ADAM9: variants seen among roughly 807,000 people sequenced by gnomAD.
ADAM9 encodes the protein ADAM metallopeptidase domain 9, also known as disintegrin and metalloproteinase domain-containing protein 9.
ADAM9 carries 54 observed loss-of-function variants against 108.1 expected under a neutral mutation model. That is an observed-to-expected ratio of 0.50 (90% confidence interval 0.40 to 0.63). ADAM9 has a LOEUF of 0.63. ADAM9 is among the 20% of genes least tolerant of loss of function. The pLI is 0.00. For synonymous variants in ADAM9, 316 were observed against 336.0 expected (o/e 0.94, Z 0.65); for missense variants, 830 against 997.7 (o/e 0.83, Z 2.26).
intron 11 of ADAM9, among the ~76,000 whole-genome samples, chr8:39,029,986 A>G (rs189941865): frequency 3.4e-4 from 51 of 152,236 alleles, no homozygotes; most frequent in Admixed American, 1.5e-3. Flanking sequence ...ATCAAGAGGA[A>G]AGTAGAAAGA....
At position 39,082,623 on chromosome 8, in the gene ADAM9, C is replaced by T. The variant is rs756491235; in HGVS notation, c.1882-18C>T. 108 of 1,484,106 alleles carry T rather than the reference C, an allele frequency of 7.3e-5. No homozygotes were observed. Among genetic ancestry groups the T allele is most frequent in the Non-Finnish European group, 8.7e-5 (93 of 1,068,520 alleles). 91.9% of individuals were successfully genotyped at this position (1,484,106 alleles called of 1,614,324 possible). On this transcript the variant is annotated intron_variant, in intron 16 of 21. Transcript: ENST00000487273. ...GTGCTCAATCTTTCTTTACTTAGTT[C>T]ATTTTTTTTTTTTTCAGATCTGTAG... is the stretch of plus-strand genomic sequence containing the variant.
chr8:39,037,720 A>G (rs1489635624), intron 11 of ADAM9, among the ~76,000 whole-genome samples: 1 of 152,138 alleles, frequency 6.6e-6, no homozygotes, highest in Non-Finnish European at 1.5e-5. Flanking sequence ...TACAGAAAAC[A>G]TTATTGCATG....
At chr8:39,053,493 G>C (rs1467928727) in intron 12 of ADAM9, among the ~76,000 whole-genome samples, 1 of 152,092 alleles carries the variant, frequency 6.6e-6, no homozygotes, top group Non-Finnish European at 1.5e-5. Context: ...TATATTTCAA[G>C]ATGTACATTA....
chr8:39,036,135 G>T (rs1207281585), intron 11 of ADAM9, among the ~76,000 whole-genome samples: 1 of 151,538 alleles, frequency 6.6e-6, no homozygotes, highest in South Asian at 2.1e-4. Flanking sequence ...ATCTACCCTC[G>T]TAATAAGATT....
At chr8:39,017,464 A>G in intron 6 of ADAM9, 50 bp downstream of exon 6, 2 of 1,570,816 alleles carry the variant, frequency 1.3e-6, no homozygotes, top group African/African-American at 1.4e-5. Flanking sequence ...TTTTAGAAAA[A>G]TCATGTATTT....
At position 39,033,689 on chromosome 8, in the gene ADAM9, A is replaced by G. The variant is rs1048083203; in HGVS notation, c.1130+6879A>G. 3.9e-5 allele frequency among the ~76,000 whole-genome samples: 6 copies of G among 152,150 alleles called. No homozygotes were observed. The East Asian group carries it at 7.7e-4, about 20-fold the overall frequency. ...TTTTCCATACCACTGAGAAAGAAAT[A>G]TGGTGTCAATGAAATTAATACGTCA... On this transcript the variant is annotated intron_variant, in intron 11 of 21. Transcript: ENST00000487273.
rs576207831 is a variant in ADAM9, at chr8:39,005,060, G to C, written c.98-2826G>C. Among the ~76,000 whole-genome samples, 10 of 152,252 alleles carry C rather than the reference G, an allele frequency of 6.6e-5. No individual in the cohort carries two copies. The South Asian group carries it at 2.1e-3, about 32-fold the overall frequency. ...TTTTATCCAGCCTCTATTCAAGTTG[G>C]AGTCAGTCTGGTCTGAGTGCTGCTG... On this transcript the variant is annotated intron_variant, in intron 1 of 21. Transcript: ENST00000487273.
chr8:39,071,272 C>CT (rs758796785), intron 14 of ADAM9, 26 bp from the exon 15 acceptor site: 8 of 1,595,076 alleles, frequency 5.0e-6, no homozygotes, highest in Middle Eastern at 3.3e-4. Flanking sequence ...CTTTTTTTTT[C>CT]TTTTTTTAAA....
intron 18 of ADAM9, among the ~76,000 whole-genome samples, chr8:39,085,661 T>G (rs1564369921): frequency 6.6e-6 from 1 of 152,188 alleles, no homozygotes; most frequent in Non-Finnish European, 1.5e-5. Context: ...TCTTCTGACT[T>G]GCATTGTTTT....
intron 1 of ADAM9, among the ~76,000 whole-genome samples, chr8:39,002,993 C>G (rs1211589401): frequency 6.6e-6 from 1 of 152,180 alleles, no homozygotes; most frequent in Non-Finnish European, 1.5e-5. Flanking sequence ...TCTCGTGCCT[C>G]AGCCTCCCGA....
At chr8:39,035,860 T>G (rs1321908807) in intron 11 of ADAM9, among the ~76,000 whole-genome samples, 1 of 152,144 alleles carries the variant, frequency 6.6e-6, no homozygotes, top group African/African-American at 2.4e-5. Flanking sequence ...GAATAATTTC[T>G]GAACTAGGAT....
chr8:39,013,020 A>G (rs142596311), intron 3 of ADAM9, among the ~76,000 whole-genome samples: 3 of 152,274 alleles, frequency 2.0e-5, no homozygotes, highest in East Asian at 1.9e-4. Flanking sequence ...GGGCATATTT[A>G]TGAATCACTA....
intron 11 of ADAM9, among the ~76,000 whole-genome samples, chr8:39,030,812 C>T (rs1837073738): frequency 6.6e-6 from 1 of 152,146 alleles, no homozygotes; most frequent in Non-Finnish European, 1.5e-5. Flanking sequence ...GTAGTGGTAT[C>T]TCATTGTTTC....
intron 15 of ADAM9, among the ~76,000 whole-genome samples, chr8:39,072,448 G>A (rs1354721914): frequency 1.3e-5 from 2 of 152,304 alleles, no homozygotes; most frequent in South Asian, 2.1e-4. Context: ...CCTGTCAGTA[G>A]CATTCAATTA....
At chr8:39,065,249 CA>C (rs894428765) in intron 14 of ADAM9, among the ~76,000 whole-genome samples, 5 of 145,772 alleles carry the variant, frequency 3.4e-5, no homozygotes, top group African/African-American at 7.8e-5. Flanking sequence ...GCAACTTCTT[CA>C]ACTTTATCTT....
Position 39,062,003 on chromosome 8 carries a change from G to A in ADAM9, c.1591+6231G>A, listed in dbSNP as rs575248968. 3.3e-5 allele frequency among the ~76,000 whole-genome samples: 5 copies of A among 152,286 alleles called. No individual in the cohort carries two copies. In the South Asian group the frequency reaches 8.3e-4, roughly 25 times the overall value. On this transcript the variant is annotated intron_variant, in intron 14 of 21. Coordinates refer to ENST00000487273, the MANE Select transcript of ADAM9 (RefSeq NM_003816.3). ...AAAGTGCCAGTCAATTTGGTTCTTG[G>A]TGAGGGATCTCTCTTTTCTTCTTAT... is the stretch of plus-strand genomic sequence containing the variant.
chr8:39,029,511 T>C (rs1564269416), intron 11 of ADAM9, among the ~76,000 whole-genome samples: 1 of 152,202 alleles, frequency 6.6e-6, no homozygotes, highest in Non-Finnish European at 1.5e-5. Flanking sequence ...GAGTATGATG[T>C]TGTCTGTGGG....
At chr8:39,006,582 G>T (rs11998430) in intron 1 of ADAM9, among the ~76,000 whole-genome samples, 1,335 of 80,572 alleles carry the variant, frequency 0.017, 32 homozygotes, top group African/African-American at 0.045. Context: ...GTTAGTAAGG[G>T]TTAAGCCATT....
intron 16 of ADAM9, among the ~76,000 whole-genome samples, chr8:39,078,240 T>TG (rs374460172): frequency 6.6e-4 from 101 of 152,240 alleles, no homozygotes; most frequent in Middle Eastern, 3.4e-3. Context: ...ACTTGATCGT[T>TG]GCAGCTGTTA....
Sources: gnomAD v4.1 joint callset for allele counts (sites outside exome capture counted in the v4.1 genomes callset) on GRCh38, gnomAD v4.1.1 for gene constraint, MANE v1.5 for transcripts, NCBI Gene and HGNC (gene_info 2026-07-23, HGNC 2026-07-21) for gene names.